The following SLC4A4 variants were observed in gnomAD, a reference collection of about 807,000 sequenced individuals.
The protein encoded by SLC4A4 is solute carrier family 4 member 4.
In SLC4A4, 27 loss-of-function variants were observed where a neutral mutation model predicts 111.5. The ratio of observed to expected loss-of-function variants is 0.24; its 90% CI spans 0.18 to 0.33. The LOEUF is 0.33. Ranked by LOEUF, SLC4A4 falls within the 10% of genes least tolerant of loss-of-function variation. SLC4A4 has a pLI of 1.00. For missense variants in SLC4A4, 909 were observed against 1,315.5 expected (o/e 0.69, Z 4.78); for synonymous variants, 443 against 463.4 (o/e 0.96, Z 0.57).
chr4:71,101,202 T>G (rs544013765), intron 2 of SLC4A4, among the ~76,000 whole-genome samples: 1 of 152,112 alleles, frequency 6.6e-6, no homozygotes, highest in Non-Finnish European at 1.5e-5. Context: ...GAGCTTGCAG[T>G]GAGCTGAGAT....
intron 4 of SLC4A4, among the ~76,000 whole-genome samples, chr4:71,347,315 T>C (rs1729413596): frequency 1.3e-5 from 2 of 152,298 alleles, no homozygotes; most frequent in African/African-American, 4.8e-5. Flanking sequence ...CAGTTGAGGA[T>C]TGTCTGAGCC....
At chr4:71,347,899 G>A (rs56672701) in intron 4 of SLC4A4, among the ~76,000 whole-genome samples, 298 of 152,116 alleles carry the variant, frequency 2.0e-3, no homozygotes, top group African/African-American at 6.6e-3. Flanking sequence ...ATACTCTTAG[G>A]AATTCAAGAG....
At chr4:71,422,662 G>A in intron 7 of SLC4A4, among the ~76,000 whole-genome samples, 1 of 151,754 alleles carries the variant, frequency 6.6e-6, no homozygotes, top group Non-Finnish European at 1.5e-5. Flanking sequence ...CTTCATCCCT[G>A]GGATGCATGG....
At chr4:71,143,375 T>A (rs577408549) in intron 2 of SLC4A4, among the ~76,000 whole-genome samples, 1 of 152,284 alleles carries the variant, frequency 6.6e-6, no homozygotes, top group South Asian at 2.1e-4. Flanking sequence ...TGGTTCCAAG[T>A]CTTTGCTATT....
intron 7 of SLC4A4, chr4:71,434,264 A>T (rs1203341100): frequency 6.6e-6 from 1 of 152,092 alleles, no homozygotes. Flanking sequence ...TTGTTATTAC[A>T]TACTCTATTT....
intron 1 of SLC4A4, among the ~76,000 whole-genome samples, chr4:71,072,016 G>A (rs150953644): frequency 8.5e-5 from 13 of 152,206 alleles, no homozygotes; most frequent in African/African-American, 2.9e-4. Context: ...AGCAAAGCAC[G>A]AATGTTTCTT....
intron 6 of SLC4A4, among the ~76,000 whole-genome samples, chr4:71,374,325 C>T (rs760946876): frequency 3.9e-5 from 6 of 152,154 alleles, no homozygotes; most frequent in Non-Finnish European, 8.8e-5. Flanking sequence ...AAATCTAAAG[C>T]AATTCCAAGT....
intron 18 of SLC4A4, among the ~76,000 whole-genome samples, chr4:71,538,739 G>T (rs1483492647): frequency 6.6e-6 from 1 of 151,964 alleles, no homozygotes; most frequent in East Asian, 1.9e-4. Context: ...CTTGGGATGG[G>T]ATCCACCTTT....
chr4:71,147,228 T>G (rs569638905), intron 2 of SLC4A4, among the ~76,000 whole-genome samples: 1 of 152,298 alleles, frequency 6.6e-6, no homozygotes, highest in South Asian at 2.1e-4. Flanking sequence ...TTTTGTTGTT[T>G]AACAAGAAGC....
intron 2 of SLC4A4, among the ~76,000 whole-genome samples, chr4:71,100,712 CA>C (rs1179316523): frequency 3.3e-5 from 5 of 152,168 alleles, no homozygotes; most frequent in Non-Finnish European, 7.3e-5. Flanking sequence ...AGTCTCACCC[CA>C]AAAGCTCCTT....
intron 2 of SLC4A4, among the ~76,000 whole-genome samples, chr4:71,111,785 C>T (rs916342793): frequency 6.6e-6 from 1 of 151,892 alleles, no homozygotes; most frequent in Non-Finnish European, 1.5e-5. Context: ...CAACCTCTGC[C>T]TCCCAGGCTC....
At chr4:71,417,738 C>T (rs1046877306) in intron 7 of SLC4A4, among the ~76,000 whole-genome samples, 3 of 152,066 alleles carry the variant, frequency 2.0e-5, no homozygotes, top group Non-Finnish European at 4.4e-5. Flanking sequence ...AGAACCAAAA[C>T]CATTGTAGAT....
intron 1 of SLC4A4, among the ~76,000 whole-genome samples, chr4:71,197,517 G>T (rs922857985): frequency 1.3e-5 from 2 of 152,090 alleles, no homozygotes; most frequent in African/African-American, 4.8e-5. Context: ...ATAACTTTTT[G>T]TTTTTAAACA....
intron 16 of SLC4A4, among the ~76,000 whole-genome samples, chr4:71,521,507 T>G (rs1732932544): frequency 6.6e-6 from 1 of 152,126 alleles, no homozygotes; most frequent in Admixed American, 6.5e-5. Flanking sequence ...GTAGTGGGAT[T>G]ACAGATCTTA....
intron 1 of SLC4A4, among the ~76,000 whole-genome samples, chr4:71,211,712 T>A (rs1718136992): frequency 6.6e-6 from 1 of 151,984 alleles, no homozygotes. Context: ...CAATTTAAAG[T>A]CATGTCCCCC....
At chr4:71,554,913 C>A (rs1346803240) in intron 20 of SLC4A4, among the ~76,000 whole-genome samples, 1 of 151,676 alleles carries the variant, frequency 6.6e-6, no homozygotes. Context: ...ACTAAAAAAA[C>A]AAGCATCCAA....
At chr4:71,474,492 T>C (rs568602316) in intron 14 of SLC4A4, among the ~76,000 whole-genome samples, 1 of 151,990 alleles carries the variant, frequency 6.6e-6, no homozygotes, top group East Asian at 1.9e-4. Context: ...TGCTCCTAGA[T>C]ATTTTGGTAT....
intron 3 of SLC4A4, among the ~76,000 whole-genome samples, chr4:71,269,575 C>T (rs989675448): frequency 1.3e-5 from 2 of 152,012 alleles, no homozygotes; most frequent in African/African-American, 4.8e-5. Context: ...TATTGCATTG[C>T]GTGTCTTTGC....
At chr4:71,256,421 G>A (rs1371054510) in intron 3 of SLC4A4, among the ~76,000 whole-genome samples, 1 of 152,152 alleles carries the variant, frequency 6.6e-6, no homozygotes, top group African/African-American at 2.4e-5. Flanking sequence ...ATTTTTTATA[G>A]TCTCACCGTT....
Sources: allele counts gnomAD v4.1 joint callset (sites outside exome capture counted in the v4.1 genomes callset), GRCh38; gene constraint gnomAD v4.1.1; transcripts MANE v1.5; gene names NCBI Gene and HGNC (gene_info 2026-07-23, HGNC 2026-07-21).